Variants in HDAC7 observed in about 807,000 individuals in gnomAD.
HDAC7 encodes histone deacetylase 7.
In HDAC7, 26 loss-of-function variants were observed where a neutral mutation model predicts 115.5. The ratio of observed to expected loss-of-function variants is 0.23; its 90% confidence interval spans 0.16 to 0.31. The LOEUF (loss-of-function observed/expected upper bound fraction) is 0.31. HDAC7 is among the 10% of genes least tolerant of loss of function. The pLI is 1.00. For missense variants in HDAC7, 1,068 were observed against 1,329.0 expected (o/e 0.80, Z 3.05); for synonymous variants, 564 against 550.9 (o/e 1.02, Z -0.33).
At chr12:47,800,082 G>A (rs531029230) in intron 2 of HDAC7, among the ~76,000 whole-genome samples, 2 of 152,322 alleles carry the variant, frequency 1.3e-5, no homozygotes, top group East Asian at 3.9e-4. Context: ...AGAAATCATA[G>A]CCTCCAGGCC....
At chr12:47,796,345 C>T in intron 7 of HDAC7, 47 bp from the exon 8 acceptor site, 1 of 1,455,064 alleles carries the variant, frequency 6.9e-7, no homozygotes, top group Non-Finnish European at 9.4e-7. Flanking sequence ...CCAGGGTGGG[C>T]AGGAGGGTAC....
rs1291588092 is a variant in HDAC7, at chr12:47,793,882, T to A, written c.1459-294A>T. Among the ~76,000 whole-genome samples, 1 of 152,216 alleles carries A rather than the reference T, an allele frequency of 6.6e-6. No homozygotes were observed. The highest frequency in any genetic ancestry group is 1.5e-5 in the Non-Finnish European group (1 of 68,034). On this transcript the variant is annotated intron_variant, in intron 12 of 25. Coordinates refer to ENST00000080059, the MANE Select transcript of HDAC7 (RefSeq NM_015401.5). This position sits in a 1 kb window ranked among gnomAD's most constrained non-coding sequence, Gnocchi z 4.5. ...GCGCTGGATCTTGTGCTGACCAGGA[T>A]GTCCTCCTGTCCTGGACTATGTAAC...
intron 25 of HDAC7, 79 bp from the exon 26 acceptor site, chr12:47,783,965 G>C (rs1195211316): frequency 6.2e-7 from 1 of 1,600,896 alleles, no homozygotes; most frequent in Non-Finnish European, 8.6e-7. Context: ...TCTCAACCCT[G>C]GTCAGGAAGC....
At chr12:47,818,217 ACACTG>A (rs1396437802) in intron 1 of HDAC7, among the ~76,000 whole-genome samples, 9 of 152,128 alleles carry the variant, frequency 5.9e-5, no homozygotes, top group Non-Finnish European at 8.8e-5. Context: ...CCTCTGGAGA[ACACTG>A]CACCAGGACC....
Position 47,795,501 on chromosome 12 carries a change from G to T in HDAC7, c.1087+86C>A, listed in dbSNP as rs1327109280. 2.8e-6 allele frequency: 4 copies of T among 1,437,612 alleles called. No individual in the cohort carries two copies. The highest frequency in any genetic ancestry group is 3.8e-6 in the Non-Finnish European group (4 of 1,050,746). 89.1% of individuals were successfully genotyped at this position (1,437,612 alleles called of 1,614,324 possible). The stretch of plus-strand genomic sequence containing the variant: ...ATGCGCAGGACAGGGGGACAGAGAT[G>T]GGGAGGAAGGATGGGTCCATCCCAA... On this transcript the variant is annotated intron_variant, in intron 10 of 25. Coordinates refer to ENST00000080059, the MANE Select transcript of HDAC7 (RefSeq NM_015401.5). This position sits in a 1 kb window ranked among gnomAD's most constrained non-coding sequence, Gnocchi z 4.3.
chr12:47,791,790 T>C, intron 14 of HDAC7, 81 bp downstream of exon 14: 2 of 1,579,346 alleles, frequency 1.3e-6, no homozygotes, highest in South Asian at 1.1e-5. Context: ...TCATCTCTCA[T>C]GGGCCCCAGG....
upstream of HDAC7, chr12:47,820,338 C>G (rs983289201): frequency 1.3e-5 from 2 of 152,500 alleles, no homozygotes; most frequent in African/African-American, 2.4e-5. This position sits in a 1 kb window ranked among gnomAD's most constrained non-coding sequence, Gnocchi z 4.3. Context: ...GGTGGACCCC[C>G]GTGCACACAC....
rs186065297 is a variant in HDAC7 at position 47,793,196 on chromosome 12, C to T, written c.1678+173G>A. ...CTTAGATTTCGTGAGCCTTGGTCCT[C>T]ATCGGCCAAATGCAATAACCAGCTG... On this transcript the variant is annotated intron_variant, in intron 13 of 25. Coordinates refer to ENST00000080059, the MANE Select transcript of HDAC7 (RefSeq NM_015401.5). The surrounding 1 kb of genome is among the most constrained non-coding windows in gnomAD (Gnocchi z 4.5). The T allele has an allele frequency of 6.7e-4, 378 of 563,910 alleles. 2 individuals are homozygous for T. The Admixed American group carries it at 9.2e-3, about 14-fold the overall frequency. 34.9% of individuals were successfully genotyped at this position (563,910 alleles called of 1,614,324 possible). A position where few individuals can be genotyped will look rare whatever the true frequency, so the allele number is the denominator to read the frequency against.
At chr12:47,784,358 C>T (rs1943038470) in intron 24 of HDAC7, 141 bp from the exon 25 acceptor site, 1 of 842,274 alleles carries the variant, frequency 1.2e-6, no homozygotes, top group Non-Finnish European at 1.8e-6. Context: ...TCGGCTCTCC[C>T]ACCTGCCCCT....
chr12:47,798,551 C>T lies in HDAC7; in HGVS notation c.349+11G>A. ...TGGGGCTGGGCTGGGCTGGGGTGGC[C>T]ACCTCCTTACTTCGCTTGCTCTTGT... On this transcript the variant is annotated intron_variant, in intron 4 of 25. Transcript: ENST00000080059. The surrounding 1 kb of genome is among the most constrained non-coding windows in gnomAD (Gnocchi z 4.3). 1.9e-6 allele frequency: 3 copies of T among 1,612,736 alleles called. No homozygotes were observed. The highest frequency in any genetic ancestry group is 2.5e-6 in the Non-Finnish European group (3 of 1,179,458).
intron 1 of HDAC7, among the ~76,000 whole-genome samples, chr12:47,818,136 C>T (rs1944900703): frequency 2.0e-5 from 3 of 152,194 alleles, no homozygotes; most frequent in Non-Finnish European, 2.9e-5. Flanking sequence ...GACATGCAAA[C>T]TTCCCTGCCC....
chr12:47,796,977 GT>G (rs756620948), intron 7 of HDAC7, 39 bp downstream of exon 7: 35 of 1,511,932 alleles, frequency 2.3e-5, no homozygotes, highest in Non-Finnish European at 3.0e-5. Context: ...GACCAGCCAG[GT>G]TTGAGGATGG....
chr12:47,793,545 CG>C lies in HDAC7; in HGVS notation c.1501del (p.Arg501GlyfsTer61). The C allele has an allele frequency of 6.5e-7, 1 of 1,546,716 alleles. No individual in the cohort carries two copies. Reference protein sequence around the residue: ...EQQRLAGRLPRGSTGDTVLLP... With the variant: ...EQQRLAGRLPXGSTGDTVLLP... ...CAGCACAGTGTCCCCGGTGCTGCCCCGGGGGAGCCGCCCAGCCAGTCGCTGC... is the reference window on the plus strand; with the variant it reads ...CAGCACAGTGTCCCCGGTGCTGCCCCGGGGAGCCGCCCAGCCAGTCGCTGC... On this transcript the variant is annotated frameshift_variant, in exon 13 of 26. Coordinates refer to ENST00000080059, the MANE Select transcript of HDAC7 (RefSeq NM_015401.5). LOFTEE classifies it high-confidence loss of function. This position sits in a 1 kb window ranked among gnomAD's most constrained non-coding sequence, Gnocchi z 4.5.
intron 19 of HDAC7, 26 bp from the exon 20 acceptor site, chr12:47,788,190 A>C: frequency 3.8e-6 from 6 of 1,583,432 alleles, no homozygotes; most frequent in Non-Finnish European, 5.2e-6. Context: ...GGCAGCGATT[A>C]GGGAAGGCAG....
chr12:47,798,489 T>A lies in HDAC7; in HGVS notation c.349+73A>T. ...GGCTGCGGCCCTCCCACCTCACCCC[T>A]CACAAGCCACACAGGCAGCCGCAGG... is the stretch of plus-strand genomic sequence containing the variant. On this transcript the variant is annotated intron_variant, in intron 4 of 25. Coordinates refer to ENST00000080059, the MANE Select transcript of HDAC7 (RefSeq NM_015401.5). This position sits in a 1 kb window ranked among gnomAD's most constrained non-coding sequence, Gnocchi z 4.3. 2 of 1,410,164 alleles carry A rather than the reference T, an allele frequency of 1.4e-6. No homozygotes were observed. Among genetic ancestry groups the A allele is most frequent in the Non-Finnish European group, 9.9e-7 (1 of 1,005,544 alleles). 87.4% of individuals were successfully genotyped at this position (1,410,164 alleles called of 1,614,324 possible).
At chr12:47,783,928 T>C in intron 25 of HDAC7, 42 bp from the exon 26 acceptor site, 1 of 1,612,150 alleles carries the variant, frequency 6.2e-7, no homozygotes, top group Non-Finnish European at 8.5e-7. Flanking sequence ...GCACCAGGGC[T>C]GCAGCAAGGG....
At chr12:47,808,733 T>C (rs1565583259) in intron 1 of HDAC7, among the ~76,000 whole-genome samples, 1 of 152,168 alleles carries the variant, frequency 6.6e-6, no homozygotes, top group Non-Finnish European at 1.5e-5. Flanking sequence ...CTGCATCTAC[T>C]TCCTATTACC....
intron 25 of HDAC7, 84 bp downstream of exon 25, chr12:47,783,995 T>G: frequency 6.2e-7 from 1 of 1,601,200 alleles, no homozygotes; most frequent in Non-Finnish European, 8.5e-7. Context: ...TTGGGGTGGC[T>G]GCATAGCGGA....
intron 24 of HDAC7, chr12:47,784,420 G>A (rs1943043209): frequency 1.6e-6 from 1 of 623,546 alleles, no homozygotes. Flanking sequence ...CACAGAGTGG[G>A]TTCAACATGG....
Sources: allele counts gnomAD v4.1 joint callset (sites outside exome capture counted in the v4.1 genomes callset), GRCh38; gene constraint gnomAD v4.1.1; non-coding constraint Gnocchi (gnomAD v3.1); transcripts MANE v1.5; gene names NCBI Gene and HGNC (gene_info 2026-07-23, HGNC 2026-07-21).